CFAP47: variants seen among roughly 807,000 people sequenced by gnomAD.
The protein encoded by CFAP47 is cilia and flagella associated protein 47.
A neutral mutation model predicts 148.1 loss-of-function variants in CFAP47; 29 were observed. The observed-to-expected ratio is 0.20, with a 90% confidence interval of 0.15 to 0.27. CFAP47 has a LOEUF of 0.27. CFAP47 is among the 10% of genes least tolerant of loss of function. The pLI is 1.00. For missense variants in CFAP47, 1,872 were observed against 1,697.5 expected (o/e 1.10, Z -1.81); for synonymous variants, 664 against 577.3 (o/e 1.15, Z -2.15).
intron 57 of CFAP47, 76 bp from the exon 58 acceptor site, chrX:36,348,053 G>T (rs935475520): frequency 3.8e-6 from 2 of 530,289 alleles, no homozygotes; most frequent in East Asian, 1.0e-4. Context: ...ATCAAATTAG[G>T]TGTTTACCTT....
rs191987218 is a variant in CFAP47, at chrX:36,010,637, T to A, written c.3418-4137T>A. 5.2e-3 allele frequency among the ~76,000 whole-genome samples: 580 copies of A among 110,606 alleles called. 5 individuals carry two copies. Among genetic ancestry groups the A allele is most frequent in the African/African-American group, 0.018 (555 of 30,439 alleles). On this transcript the variant is annotated intron_variant, in intron 21 of 63. Coordinates refer to ENST00000378653, the MANE Select transcript of CFAP47 (RefSeq NM_001304548.2). Reference sequence around the variant, plus strand: ...CATGCCTGGCTAATTTTTTTGTATTTTTAGTAGAGATGGGGTTTCACTGTG... The same window carrying A: ...CATGCCTGGCTAATTTTTTTGTATTATTAGTAGAGATGGGGTTTCACTGTG...
intron 51 of CFAP47, among the ~76,000 whole-genome samples, chrX:36,286,327 GATA>G (rs1429133160): frequency 9.2e-6 from 1 of 109,208 alleles, no homozygotes; most frequent in Non-Finnish European, 1.9e-5. Flanking sequence ...TATTTAAATT[GATA>G]ATAATAAATG....
At chrX:36,071,760 A>G in intron 27 of CFAP47, 65 bp from the exon 28 acceptor site, 1 of 971,905 alleles carries the variant, frequency 1.0e-6, no homozygotes, top group Middle Eastern at 2.7e-4. Flanking sequence ...CTCAGGTTAA[A>G]TAATGGTATA....
chrX:36,262,074 T>A (rs1940835323), intron 49 of CFAP47, among the ~76,000 whole-genome samples: 3 of 112,327 alleles, frequency 2.7e-5, no homozygotes. Context: ...TCTTTTAAAT[T>A]TTTTTATTTT....
chrX:36,166,809 C>T (rs955501957), intron 39 of CFAP47, among the ~76,000 whole-genome samples: 2 of 111,286 alleles, frequency 1.8e-5, no homozygotes, highest in East Asian at 2.8e-4. Flanking sequence ...ATGTCTATCT[C>T]CCCCTGCTCA....
At position 36,268,526 on chromosome X, in the gene CFAP47, G is replaced by C. The variant is rs186555981; in HGVS notation, c.7445-11961G>C. Among the ~76,000 whole-genome samples, 593 of 112,548 alleles carry C rather than the reference G, an allele frequency of 5.3e-3. 1 individual carries two copies. The highest frequency in any genetic ancestry group is 0.018 in the African/African-American group (566 of 31,026). On this transcript the variant is annotated intron_variant, in intron 49 of 63. Coordinates refer to ENST00000378653, the MANE Select transcript of CFAP47 (RefSeq NM_001304548.2). ...AAATTTGGGTTACTTTAGGAAGAAG[G>C]TTCCAGTGGCTGATGAATCCACCCA...
rs1163334374 is a variant in CFAP47 at position 35,956,711 on chromosome X, T to C, written c.1410+515T>C. Among the ~76,000 whole-genome samples, 5 of 111,748 alleles carry C rather than the reference T, an allele frequency of 4.5e-5. No homozygotes were observed. The Admixed American group carries it at 4.8e-4, about 11-fold the overall frequency. ...AAAAGAGAATGCCAAGGCATACCTG[T>C]GAGCACTAGGTCAGCTTCTGGTTGT... On this transcript the variant is annotated intron_variant, in intron 8 of 63. Transcript: ENST00000378653.
Position 36,367,022 on chromosome X carries a change from T to G in CFAP47, c.9080T>G (p.Ile3027Arg). 4.3e-6 allele frequency: 5 copies of G among 1,156,450 alleles called. No individual in the cohort carries two copies. The highest frequency in any genetic ancestry group is 5.8e-6 in the Non-Finnish European group (5 of 864,090). Residue 3027 changes from isoleucine (I) to arginine (R), a missense_variant, in exon 62 of 64, where the codon ATA (isoleucine) becomes AGA (arginine). Transcript: ENST00000378653. ...CVTEGIWKFP[I>R]MLIATEPDTD... The stretch of plus-strand genomic sequence containing the variant: ...ACAGAAGGGATCTGGAAGTTTCCCA[T>G]AATGTTGATCGCTACTGAACCTGAT...
chrX:36,084,290 C>A (rs1275287589), intron 29 of CFAP47, among the ~76,000 whole-genome samples: 1 of 111,019 alleles, frequency 9.0e-6, no homozygotes, highest in African/African-American at 3.3e-5. Context: ...TAATCTTGAC[C>A]AATAGTGGTA....
chrX:36,285,602 T>G (rs782329834), intron 50 of CFAP47, 27 bp from the exon 51 acceptor site: 1 of 633,882 alleles, frequency 1.6e-6, no homozygotes, highest in South Asian at 2.5e-5. Context: ...AAGTCTATAT[T>G]AAAAAGTGTT....
At chrX:36,013,082 A>C (rs1393171494) in intron 21 of CFAP47, among the ~76,000 whole-genome samples, 3 of 109,825 alleles carry the variant, frequency 2.7e-5, no homozygotes, top group African/African-American at 1.0e-4. Context: ...TGTGTTTTTC[A>C]CGTTTCTGTG....
chrX:36,317,070 T>C (rs4310353), intron 56 of CFAP47, among the ~76,000 whole-genome samples: 20,714 of 111,593 alleles, frequency 0.19, 1,477 homozygotes, highest in South Asian at 0.29. Flanking sequence ...TATGAGCCAC[T>C]GCGCCCAGCC....
Position 36,233,585 on chromosome X carries a change from G to A in CFAP47, c.7015-2349G>A, listed in dbSNP as rs782636026. On this transcript the variant is annotated intron_variant, in intron 46 of 63. Coordinates refer to ENST00000378653, the MANE Select transcript of CFAP47 (RefSeq NM_001304548.2). ...CTTTATCCAATTTGCCAGTCAGTGT[G>A]TTTTAATTGGAGCATTTAGTCCATT... 7.3e-4 allele frequency among the ~76,000 whole-genome samples: 81 copies of A among 111,638 alleles called. 1 individual carries two copies. The highest frequency in any genetic ancestry group is 2.6e-3 in the African/African-American group (80 of 30,730).
chrX:36,248,521 C>CACACA (rs1281682189), intron 48 of CFAP47, among the ~76,000 whole-genome samples: 11 of 106,793 alleles, frequency 1.0e-4, no homozygotes, highest in African/African-American at 3.0e-4. Flanking sequence ...CACACACACA[C>CACACA]ACAACAACAG....
chrX:36,354,938 A>G (rs369766629), intron 60 of CFAP47, among the ~76,000 whole-genome samples: 1 of 111,605 alleles, frequency 9.0e-6, no homozygotes, highest in East Asian at 2.8e-4. Flanking sequence ...CAACAGGGTG[A>G]AAAGATAACA....
intron 33 of CFAP47, among the ~76,000 whole-genome samples, chrX:36,134,633 A>G (rs1939011045): frequency 9.0e-6 from 1 of 111,474 alleles, no homozygotes; most frequent in Non-Finnish European, 1.9e-5. Context: ...AAATTATCTC[A>G]AAGTAGATCA....
At chrX:36,201,559 G>A (rs1431074971) in intron 44 of CFAP47, 59 bp downstream of exon 44, 5 of 292,868 alleles carry the variant, frequency 1.7e-5, no homozygotes, top group African/African-American at 1.4e-4. Flanking sequence ...AATACACAGA[G>A]TTACAGAGCT....
intron 33 of CFAP47, among the ~76,000 whole-genome samples, chrX:36,120,375 T>C (rs1938721022): frequency 9.0e-6 from 1 of 111,417 alleles, no homozygotes; most frequent in Non-Finnish European, 1.9e-5. Context: ...TTATTTCTGC[T>C]ATGATCTTGA....
intron 25 of CFAP47, 118 bp downstream of exon 25, chrX:36,039,297 T>C (rs1937374825): frequency 1.2e-5 from 4 of 343,898 alleles, no homozygotes; most frequent in Non-Finnish European, 1.9e-5. Flanking sequence ...ACTATTAAAA[T>C]ATTTAACCAT....
Sources: allele counts gnomAD v4.1 joint callset (sites outside exome capture counted in the v4.1 genomes callset), GRCh38; gene constraint gnomAD v4.1.1; transcripts MANE v1.5; gene names NCBI Gene and HGNC (gene_info 2026-07-23, HGNC 2026-07-21).